Variants in RBAK observed in about 807,000 individuals in gnomAD.
RBAK encodes RB-associated KRAB zinc finger protein.
RBAK carries 39 observed loss-of-function variants against 65.8 expected under a neutral mutation model. That is an observed-to-expected ratio of 0.59 (90% CI 0.46 to 0.77). The LOEUF is 0.77. Among genes scored for constraint, RBAK ranks in the 30% least tolerant of loss-of-function variants. The pLI, the probability that RBAK is intolerant of heterozygous loss-of-function variation, is 0.00. For missense variants in RBAK, 884 were observed against 855.1 expected, an observed-to-expected ratio of 1.03 and a Z score of -0.42; for synonymous variants, 343 against 289.7, an observed-to-expected ratio of 1.18 and a Z score of -1.87.
At chr7:5,053,396 C>A (rs1407240960) in intron 2 of RBAK, among the ~76,000 whole-genome samples, 2 of 151,788 alleles carry the variant, frequency 1.3e-5, no homozygotes, top group Non-Finnish European at 2.9e-5. Context: ...TTTTTCTTTC[C>A]CCCCTTATGT....
intron 2 of RBAK, among the ~76,000 whole-genome samples, chr7:5,052,367 C>T (rs948974370): frequency 2.0e-5 from 3 of 152,240 alleles, no homozygotes. Context: ...ATTGATAAAA[C>T]TAGTTAGGTT....
chr7:5,059,470 C>T (rs1489006864), intron 4 of RBAK, among the ~76,000 whole-genome samples: 2 of 151,820 alleles, frequency 1.3e-5, no homozygotes, highest in African/African-American at 4.8e-5. Flanking sequence ...TACAGGCGCA[C>T]GCCACCATGC....
At position 5,064,368 on chromosome 7, in the gene RBAK, C is replaced by A; in HGVS notation, c.912C>A (p.Leu304=). The A allele has an allele frequency of 6.2e-7, 1 of 1,613,920 alleles. No homozygotes were observed. The highest frequency in any genetic ancestry group is 8.5e-7 in the Non-Finnish European group (1 of 1,179,932). The change falls in exon 5 of 5, where the codon CTC becomes CTA. Residue 304 remains leucine (L), a synonymous_variant. Coordinates refer to ENST00000396912, the MANE Select transcript of RBAK (RefSeq NM_021163.4). The surrounding 1 kb of genome is among the most constrained non-coding windows in gnomAD (Gnocchi z 6.3). ...AATCCTTCAGCCAAAAGGGAACCCT[C>A]ACTGTACATCGGAGATCACACTTAG... ...CGKSFSQKGT[L]TVHRRSHLEE...
rs1779213725 is a variant in RBAK at position 5,066,167 on chromosome 7, T to C, written c.*566T>C. On this transcript the variant is annotated 3_prime_UTR_variant, in exon 5 of 5. Coordinates refer to ENST00000396912, the MANE Select transcript of RBAK (RefSeq NM_021163.4). ...AATTCTATGCAAGTTTGGAATTGGATGACTTGTGAAGAGGCAGTTTTCTTA... is the reference window on the plus strand; with the variant it reads ...AATTCTATGCAAGTTTGGAATTGGACGACTTGTGAAGAGGCAGTTTTCTTA... 1 of 152,658 alleles carries C rather than the reference T, an allele frequency of 6.6e-6. No individual in the cohort carries two copies. Among genetic ancestry groups the C allele is most frequent in the African/African-American group, 2.4e-5 (1 of 41,464 alleles). The allele number at this position is 152,658 out of a possible 1,614,324, so 9.5% of individuals were successfully genotyped here. A position where few individuals can be genotyped will look rare whatever the true frequency, so the allele number is the denominator to read the frequency against.
chr7:5,051,328 A>T (rs1481987124), intron 2 of RBAK, among the ~76,000 whole-genome samples: 1 of 152,164 alleles, frequency 6.6e-6, no homozygotes, highest in South Asian at 2.1e-4. Context: ...GCATATATAC[A>T]TATATGTGTG....
rs1779139022 is a variant in RBAK at position 5,063,745 on chromosome 7, A to G, written c.289A>G (p.Lys97Glu). Residue 97 changes from lysine (K) to glutamate (E), a missense_variant, in exon 5 of 5, where the codon AAA becomes GAA. Coordinates refer to ENST00000396912, the MANE Select transcript of RBAK (RefSeq NM_021163.4). ...LIERIQENED[K>E]HSRQAACINS... ...AGAGAGAATCCAAGAAAACGAAGACAAACATTCAAGGCAAGCTGCTTGTAT... is the reference window on the plus strand; with the variant it reads ...AGAGAGAATCCAAGAAAACGAAGACGAACATTCAAGGCAAGCTGCTTGTAT... 6.2e-7 allele frequency: 1 copy of G among 1,612,896 alleles called. No individual in the cohort carries two copies. The highest frequency in any genetic ancestry group is 1.7e-5 in the Admixed American group (1 of 59,802).
In RBAK at chr7:5,063,801, G is replaced by A. The variant is rs377535780; in HGVS notation, c.345G>A (p.Glu115=). Residue 115 remains glutamate (E), a synonymous_variant, in exon 5 of 5, where the codon GAG becomes GAA. Coordinates refer to ENST00000396912, the MANE Select transcript of RBAK (RefSeq NM_021163.4). ...INSKTLTEEK[E]NTFSQIYMET... is the part of the protein sequence containing the mutation. Reference sequence around the variant, plus strand: ...GCAAAACCCTGACTGAAGAGAAAGAGAATACATTTAGTCAAATTTACATGG... The same window carrying A: ...GCAAAACCCTGACTGAAGAGAAAGAAAATACATTTAGTCAAATTTACATGG... 8 of 1,613,774 alleles carry A rather than the reference G, an allele frequency of 5.0e-6. No homozygotes were observed. In the African/African-American group the frequency reaches 1.1e-4, roughly 22 times the overall value.
At position 5,065,574 on chromosome 7, in the gene RBAK, G is replaced by T. The variant is rs1779198400; in HGVS notation, c.2118G>T (p.Met706Ile). ...SHQRIHRRGN[M>I]NVLDVENL The stretch of plus-strand genomic sequence containing the variant: ...AGAGAATTCATAGAAGAGGAAATAT[G>T]AACGTACTTGATGTGGAAAATCTCT... Residue 706 changes from methionine to isoleucine, a missense_variant, in exon 5 of 5, where the codon ATG (methionine) becomes ATT (isoleucine). Coordinates refer to ENST00000396912, the MANE Select transcript of RBAK (RefSeq NM_021163.4). The surrounding 1 kb of genome is among the most constrained non-coding windows in gnomAD (Gnocchi z 5.3). The T allele has an allele frequency of 6.5e-7, 1 of 1,536,914 alleles. No individual in the cohort carries two copies. The highest frequency in any genetic ancestry group is 8.7e-7 in the Non-Finnish European group (1 of 1,145,444).
At position 5,048,133 on chromosome 7, in the gene RBAK, T is replaced by A. The variant is rs764433087; in HGVS notation, c.15+42T>A. The A allele has an allele frequency of 6.3e-7, 1 of 1,583,254 alleles. No individual in the cohort carries two copies. On this transcript the variant is annotated intron_variant, in intron 2 of 4. Transcript: ENST00000396912. The surrounding 1 kb of genome is among the most constrained non-coding windows in gnomAD (Gnocchi z 4.4). ...GTGTATATGTTCCTCAACTTTATTTTATGATGCATTTTAAGAGGTTTGTAA... is the reference window on the plus strand; with the variant it reads ...GTGTATATGTTCCTCAACTTTATTTAATGATGCATTTTAAGAGGTTTGTAA...
rs753706763 is a variant in RBAK at position 5,065,259 on chromosome 7, A to G, written c.1803A>G (p.Gly601=). 5.2e-5 allele frequency: 84 copies of G among 1,613,848 alleles called. No homozygotes were observed. The highest frequency in any genetic ancestry group is 6.9e-5 in the Non-Finnish European group (81 of 1,179,930). Residue 601 remains glycine, a synonymous_variant, in exon 5 of 5, where the codon GGA becomes GGG. Transcript: ENST00000396912. This position sits in a 1 kb window ranked among gnomAD's most constrained non-coding sequence, Gnocchi z 5.3. The stretch of plus-strand genomic sequence containing the variant: ...AACCCTATGAATGTTACGAATGTGG[A>G]AAATTCTTCTCTCAGAAATCATATC... The part of the protein sequence containing the change: ...GEKPYECYEC[G]KFFSQKSYLT...
rs1182918798 is a variant in RBAK at position 5,046,377 on chromosome 7, G to A, written c.-64G>A. The A allele has an allele frequency of 3.9e-6, 2 of 516,002 alleles. No homozygotes were observed. The highest frequency in any genetic ancestry group is 7.7e-6 in the Non-Finnish European group (2 of 259,332). The allele number at this position is 516,002 out of a possible 1,614,324, so 32.0% of individuals were successfully genotyped here. A position where few individuals can be genotyped will look rare whatever the true frequency, so the allele number is the denominator to read the frequency against. On this transcript the variant is annotated 5_prime_UTR_variant, in exon 1 of 5. Transcript: ENST00000396912. Reference sequence around the variant, plus strand: ...GGCCTCTCGGGAGCCGTGGGGCAGAGGCTGCGGAGCCCCAGAAGGGTAGGT... The same window carrying A: ...GGCCTCTCGGGAGCCGTGGGGCAGAAGCTGCGGAGCCCCAGAAGGGTAGGT...
intron 4 of RBAK, among the ~76,000 whole-genome samples, chr7:5,062,224 A>G (rs1213111189): frequency 2.0e-5 from 3 of 152,170 alleles, no homozygotes; most frequent in African/African-American, 4.8e-5. Context: ...TCCCATTTGT[A>G]TCGGGGAACC....
intron 4 of RBAK, among the ~76,000 whole-genome samples, chr7:5,058,295 G>C (rs1190416227): frequency 6.6e-6 from 1 of 152,082 alleles, no homozygotes; most frequent in African/African-American, 2.4e-5. Context: ...CACTGGTCTT[G>C]AACTCCTGGC....
chr7:5,055,915 G>A (rs1583456625), intron 2 of RBAK, among the ~76,000 whole-genome samples: 1 of 152,008 alleles, frequency 6.6e-6, no homozygotes, highest in Non-Finnish European at 1.5e-5. Context: ...GGTCCTAGCT[G>A]TATCACTGGA....
rs945866244 is a variant in RBAK, at chr7:5,048,850, GGAGGAA to G, written c.15+764_15+769del. Among the ~76,000 whole-genome samples, 64 of 152,204 alleles carry G rather than the reference GGAGGAA, an allele frequency of 4.2e-4. No individual in the cohort carries two copies. Among genetic ancestry groups the G allele is most frequent in the African/African-American group, 1.4e-3 (60 of 41,456 alleles). On this transcript the variant is annotated intron_variant, in intron 2 of 4. Transcript: ENST00000396912. The surrounding 1 kb of genome is among the most constrained non-coding windows in gnomAD (Gnocchi z 4.4). Reference sequence around the variant, plus strand: ...GGGTACATCTTCCATCACCAGAGCAGGAGGAAGAGGGAGGGGGAGGCGCTACACACT... The same window carrying G: ...GGGTACATCTTCCATCACCAGAGCAGGAGGGAGGGGGAGGCGCTACACACT...
chr7:5,060,750 A>G (rs1303171390), intron 4 of RBAK, among the ~76,000 whole-genome samples: 1 of 152,212 alleles, frequency 6.6e-6, no homozygotes, highest in Non-Finnish European at 1.5e-5. Context: ...GCTTGGATAT[A>G]TATTGTGAGT....
chr7:5,057,584 G>A, intron 3 of RBAK, 100 bp from the exon 4 acceptor site: 1 of 1,586,556 alleles, frequency 6.3e-7, no homozygotes, highest in Non-Finnish European at 8.6e-7. Context: ...AAAAAATGGA[G>A]CACTTCTGTT....
At chr7:5,059,633 G>A (rs942340876) in intron 4 of RBAK, among the ~76,000 whole-genome samples, 2 of 152,182 alleles carry the variant, frequency 1.3e-5, no homozygotes, top group Admixed American at 6.6e-5. Flanking sequence ...GAACTGAAAA[G>A]GTTAGCTCCT....
chr7:5,056,531 C>G (rs1031520143), intron 2 of RBAK, among the ~76,000 whole-genome samples: 3 of 152,162 alleles, frequency 2.0e-5, no homozygotes, highest in Admixed American at 6.5e-5. Context: ...TTAAAGACTT[C>G]AAGTTAACTG....
Sources: gnomAD v4.1 joint callset for allele counts (sites outside exome capture counted in the v4.1 genomes callset) on GRCh38, gnomAD v4.1.1 for gene constraint, Gnocchi (gnomAD v3.1) non-coding constraint, MANE v1.5 for transcripts, NCBI Gene and HGNC (gene_info 2026-07-23, HGNC 2026-07-21) for gene names.